The following CCDC192 variants were observed in gnomAD, a reference collection of about 807,000 sequenced individuals.
CCDC192 encodes coiled-coil domain-containing protein 192.
At chr5:127,842,005 G>A (rs1580736865) in intron 5 of CCDC192, among the ~76,000 whole-genome samples, 1 of 152,304 alleles carries the variant, frequency 6.6e-6, no homozygotes, top group East Asian at 1.9e-4. Context: ...ACCCAGAGAA[G>A]ACAGGCTCTG....
intron 3 of CCDC192, among the ~76,000 whole-genome samples, chr5:127,793,986 GT>G (rs1232045368): frequency 3.3e-5 from 5 of 152,302 alleles, no homozygotes; most frequent in Middle Eastern, 3.4e-3. Context: ...AAGAACTTAA[GT>G]TTTTTCTATT....
intron 3 of CCDC192, among the ~76,000 whole-genome samples, chr5:127,778,786 A>G (rs1435875227): frequency 6.6e-6 from 1 of 151,582 alleles, no homozygotes; most frequent in Non-Finnish European, 1.5e-5. Flanking sequence ...AAATGGATTC[A>G]ATCTCTTTAA....
chr5:127,848,636 C>G (rs981358292), intron 5 of CCDC192, among the ~76,000 whole-genome samples: 4 of 152,198 alleles, frequency 2.6e-5, no homozygotes, highest in African/African-American at 9.6e-5. Flanking sequence ...TTAGTTTCCT[C>G]TACTGCAAAA....
chr5:127,896,597 C>T (rs1451499974), intron 6 of CCDC192, among the ~76,000 whole-genome samples: 6 of 152,050 alleles, frequency 3.9e-5, no homozygotes, highest in South Asian at 2.1e-4. Flanking sequence ...CCACACCTGG[C>T]TAATTTGTTT....
intron 6 of CCDC192, among the ~76,000 whole-genome samples, chr5:127,916,337 G>A (rs1002284055): frequency 6.6e-6 from 1 of 152,140 alleles, no homozygotes; most frequent in Non-Finnish European, 1.5e-5. Context: ...ACATTCATGA[G>A]GGTTGGAATC....
intron 6 of CCDC192, among the ~76,000 whole-genome samples, chr5:127,876,713 G>A (rs1413074302): frequency 6.6e-6 from 1 of 152,164 alleles, no homozygotes; most frequent in Non-Finnish European, 1.5e-5. Flanking sequence ...TGGAAAAAGA[G>A]GAGCAATGCA....
intron 5 of CCDC192, among the ~76,000 whole-genome samples, chr5:127,800,606 TA>T (rs896144175): frequency 2.0e-5 from 3 of 152,130 alleles, no homozygotes; most frequent in African/African-American, 7.2e-5. Context: ...CTCTGGTTCT[TA>T]AATATGACCT....
At chr5:127,868,728 T>C (rs974287884) in intron 5 of CCDC192, among the ~76,000 whole-genome samples, 1 of 150,888 alleles carries the variant, frequency 6.6e-6, no homozygotes, top group Admixed American at 6.6e-5. Flanking sequence ...TACCAAAAAA[T>C]ACAAAAATTT....
chr5:127,861,647 CCTT>C (rs1751376311), intron 5 of CCDC192, among the ~76,000 whole-genome samples: 1 of 152,010 alleles, frequency 6.6e-6, no homozygotes, highest in Non-Finnish European at 1.5e-5. Context: ...AAGCGAGACT[CCTT>C]CTCAAAAAAA....
At chr5:127,786,427 C>A in intron 3 of CCDC192, 2 of 620,454 alleles carry the variant, frequency 3.2e-6, no homozygotes, top group South Asian at 3.7e-5. Context: ...AGCTCCAATT[C>A]CATGTAACAC....
At chr5:127,780,676 T>A (rs1756161224) in intron 3 of CCDC192, among the ~76,000 whole-genome samples, 1 of 152,192 alleles carries the variant, frequency 6.6e-6, no homozygotes, top group Non-Finnish European at 1.5e-5. Context: ...GACTGCTTGT[T>A]TTTTTCTTGC....
Position 127,941,506 on chromosome 5 carries a change from C to A in CCDC192, c.*38C>A. ...AAAACAATAAAAGTTTATTAAGTGT[C>A]ATCCAGGTAAAGTCTGATACCAAAT... On this transcript the variant is annotated 3_prime_UTR_variant, in exon 7 of 7. Coordinates refer to ENST00000514853, the MANE Select transcript of CCDC192 (RefSeq NM_001317938.2). The A allele has an allele frequency of 5.0e-6, 2 of 398,898 alleles. No homozygotes were observed. The highest frequency in any genetic ancestry group is 2.6e-4 in the South Asian group (2 of 7,742). The allele number at this position is 398,898 out of a possible 1,614,324, so 24.7% of individuals were successfully genotyped here. A position where few individuals can be genotyped will look rare whatever the true frequency, so the allele number is the denominator to read the frequency against.
chr5:127,759,163 G>A (rs1190242605), intron 3 of CCDC192, among the ~76,000 whole-genome samples: 1 of 152,164 alleles, frequency 6.6e-6, no homozygotes, highest in African/African-American at 2.4e-5. Flanking sequence ...GTCTTATCTA[G>A]GAGGGTGTAA....
At chr5:127,753,567 G>A (rs927800987) in intron 2 of CCDC192, among the ~76,000 whole-genome samples, 12 of 151,932 alleles carry the variant, frequency 7.9e-5, no homozygotes, top group South Asian at 2.1e-4. Flanking sequence ...ATGGTGGCGC[G>A]TGCCTGTAAT....
At chr5:127,875,405 A>G (rs532615712) in intron 5 of CCDC192, 133 bp from the exon 6 acceptor site, 132 of 387,020 alleles carry the variant, frequency 3.4e-4, no homozygotes, top group African/African-American at 2.0e-3. Flanking sequence ...ACAGGACTCA[A>G]TCTAGATAAA....
At chr5:127,805,407 C>T (rs1348069704) in intron 5 of CCDC192, among the ~76,000 whole-genome samples, 1 of 152,196 alleles carries the variant, frequency 6.6e-6, no homozygotes, top group Non-Finnish European at 1.5e-5. Context: ...GTTTTTAAAG[C>T]CGAATTTCAC....
At chr5:127,893,734 A>G (rs1752793486) in intron 6 of CCDC192, among the ~76,000 whole-genome samples, 1 of 152,214 alleles carries the variant, frequency 6.6e-6, no homozygotes, top group South Asian at 2.1e-4. Flanking sequence ...ACCTTTCTGA[A>G]TTGAATCTTT....
At chr5:127,915,163 A>C (rs953189096) in intron 6 of CCDC192, among the ~76,000 whole-genome samples, 5 of 152,224 alleles carry the variant, frequency 3.3e-5, no homozygotes, top group African/African-American at 1.2e-4. Context: ...TACATATAAA[A>C]GTTATGTTCA....
chr5:127,929,487 G>A (rs1753958381), intron 6 of CCDC192, among the ~76,000 whole-genome samples: 1 of 152,142 alleles, frequency 6.6e-6, no homozygotes, highest in African/African-American at 2.4e-5. Flanking sequence ...TCAAAATTTG[G>A]TACAATAAAA....
Sources: gnomAD v4.1 joint callset for allele counts (sites outside exome capture counted in the v4.1 genomes callset) on GRCh38, gnomAD v4.1.1 for gene constraint, MANE v1.5 for transcripts, NCBI Gene and HGNC (gene_info 2026-07-23, HGNC 2026-07-21) for gene names.